The following DOCK1 variants were observed in gnomAD, a reference collection of about 807,000 sequenced individuals.
DOCK1 encodes dedicator of cytokinesis protein 1.
Under a neutral mutation model 262.7 loss-of-function variants are expected in DOCK1, and 138 were observed. The observed-to-expected ratio is 0.53, with a 90% CI of 0.46 to 0.61. DOCK1 has a LOEUF of 0.61. Among genes scored for constraint, DOCK1 ranks in the 20% least tolerant of loss-of-function variants. The pLI is 0.00. For missense variants in DOCK1, 1,908 were observed against 2,370.7 expected (o/e 0.80, Z 4.05); for synonymous variants, 866 against 867.4 (o/e 1.00, Z 0.03).
intron 29 of DOCK1, among the ~76,000 whole-genome samples, chr10:127,272,852 T>C (rs2060617958): frequency 6.6e-6 from 1 of 152,168 alleles, no homozygotes; most frequent in East Asian, 1.9e-4. Flanking sequence ...GCATGGAAAC[T>C]CTTCTTTTTA....
intron 48 of DOCK1, among the ~76,000 whole-genome samples, chr10:127,434,458 A>C (rs2069521864): frequency 6.6e-6 from 1 of 152,120 alleles, no homozygotes; most frequent in African/African-American, 2.4e-5. Flanking sequence ...TTTGTAAGTG[A>C]ACAGTTCGGT....
At chr10:127,156,495 TGAA>T (rs2053059636) in intron 27 of DOCK1, among the ~76,000 whole-genome samples, 1 of 152,052 alleles carries the variant, frequency 6.6e-6, no homozygotes, top group Non-Finnish European at 1.5e-5. Flanking sequence ...ATTGCTTTTC[TGAA>T]TCTTTTCTTC....
intron 23 of DOCK1, among the ~76,000 whole-genome samples, chr10:127,090,598 A>G (rs933182701): frequency 2.6e-5 from 4 of 152,126 alleles, no homozygotes; most frequent in Admixed American, 2.0e-4. Context: ...ACCACTAGGT[A>G]GTTCTAGATC....
intron 22 of DOCK1, among the ~76,000 whole-genome samples, chr10:127,058,033 C>A (rs1329351008): frequency 6.6e-6 from 1 of 151,982 alleles, no homozygotes; most frequent in African/African-American, 2.4e-5. Flanking sequence ...AGTGGTTCTC[C>A]CTGGTTTATC....
chr10:127,276,776 T>G (rs1483488409), intron 29 of DOCK1, among the ~76,000 whole-genome samples: 2 of 137,196 alleles, frequency 1.5e-5, no homozygotes, highest in African/African-American at 5.0e-5. Context: ...TTGGTCTCCA[T>G]GAAGCCATTG....
intron 2 of DOCK1, among the ~76,000 whole-genome samples, chr10:126,974,978 A>G (rs960236849): frequency 2.0e-5 from 3 of 152,084 alleles, no homozygotes; most frequent in African/African-American, 7.2e-5. Flanking sequence ...CTTGCCTTTC[A>G]TGCCTACTGC....
At chr10:127,326,450 C>T (rs924672595) in intron 29 of DOCK1, among the ~76,000 whole-genome samples, 1 of 152,230 alleles carries the variant, frequency 6.6e-6, no homozygotes, top group African/African-American at 2.4e-5. Context: ...TGCTCACAAG[C>T]ATGAGTGGGA....
At chr10:127,171,125 G>T (rs1180143192) in intron 27 of DOCK1, among the ~76,000 whole-genome samples, 1 of 152,188 alleles carries the variant, frequency 6.6e-6, no homozygotes, top group Non-Finnish European at 1.5e-5. Context: ...CAAAATTGAA[G>T]CTCACAGAGG....
At position 127,357,649 on chromosome 10, in the gene DOCK1, C is replaced by A. The variant is rs560814883; in HGVS notation, c.3283+2922C>A. 8.7e-4 allele frequency among the ~76,000 whole-genome samples: 133 copies of A among 152,338 alleles called. 1 individual carries two copies. The highest frequency in any genetic ancestry group is 3.1e-3 in the African/African-American group (130 of 41,576). ...TGTTTTGCAGCTTTTTAGCCAGGAA[C>A]ACTGACTGTGGCCTGAGAAGCGGCC... is the stretch of plus-strand genomic sequence containing the variant. On this transcript the variant is annotated intron_variant, in intron 32 of 51. Coordinates refer to ENST00000623213, the MANE Select transcript of DOCK1 (RefSeq NM_001290223.2).
At chr10:127,173,495 G>T (rs7916891) in intron 27 of DOCK1, among the ~76,000 whole-genome samples, 1 of 152,014 alleles carries the variant, frequency 6.6e-6, no homozygotes, top group African/African-American at 2.4e-5. Flanking sequence ...TCTTGTGTTC[G>T]TGGGTGTTCA....
At chr10:127,340,492 T>C (rs1020671013) in intron 30 of DOCK1, among the ~76,000 whole-genome samples, 2 of 152,212 alleles carry the variant, frequency 1.3e-5, no homozygotes, top group Non-Finnish European at 2.9e-5. Flanking sequence ...TATTCAGCCA[T>C]TTCTGCACTG....
At chr10:127,017,727 C>T (rs2042108546) in intron 12 of DOCK1, among the ~76,000 whole-genome samples, 1 of 152,174 alleles carries the variant, frequency 6.6e-6, no homozygotes, top group Non-Finnish European at 1.5e-5. Flanking sequence ...AGCAGGCAGC[C>T]CCCCCTGAGG....
In DOCK1 at chr10:127,125,606, G is replaced by T. The variant is rs969376128; in HGVS notation, c.2751+5G>T. On this transcript the variant is annotated splice_donor_5th_base_variant and intron_variant, in intron 26 of 51. Coordinates refer to ENST00000623213, the MANE Select transcript of DOCK1 (RefSeq NM_001290223.2). ...GTGCTGTACAGGAAGGACGTGGTGA[G>T]TGTTGGCTCTGTGCGTGACGTCCTG... 6.2e-7 allele frequency: 1 copy of T among 1,611,728 alleles called. No individual in the cohort carries two copies. The highest frequency in any genetic ancestry group is 8.5e-7 in the Non-Finnish European group (1 of 1,179,092).
intron 22 of DOCK1, among the ~76,000 whole-genome samples, chr10:127,057,438 A>G (rs1451222968): frequency 6.6e-6 from 1 of 152,262 alleles, no homozygotes. Context: ...TTTGAAGATG[A>G]AGATATTGAA....
chr10:126,935,977 C>A (rs1255219930), intron 1 of DOCK1, among the ~76,000 whole-genome samples: 1 of 152,210 alleles, frequency 6.6e-6, no homozygotes, highest in African/African-American at 2.4e-5. Context: ...TTCTGGAAAA[C>A]AGTGGCATTT....
At chr10:127,404,468 C>T (rs1244523284) in intron 40 of DOCK1, 39 bp downstream of exon 40, 2 of 1,576,482 alleles carry the variant, frequency 1.3e-6, no homozygotes, top group African/African-American at 1.3e-5. Flanking sequence ...CATGATTGTT[C>T]CCCCAGCAGA....
intron 47 of DOCK1, among the ~76,000 whole-genome samples, chr10:127,430,171 G>C (rs1158928319): frequency 6.6e-6 from 1 of 152,144 alleles, no homozygotes; most frequent in African/African-American, 2.4e-5. Context: ...CCCTGGTGGT[G>C]CTGGGGTTCA....
intron 29 of DOCK1, chr10:127,272,323 CTCTT>C (rs2060597975): frequency 6.6e-6 from 1 of 152,192 alleles, no homozygotes; most frequent in Non-Finnish European, 1.5e-5. Context: ...GCACTGAAGC[CTCTT>C]TCCTCCATGC....
At chr10:127,217,340 G>A (rs1295209958) in intron 27 of DOCK1, among the ~76,000 whole-genome samples, 1 of 152,196 alleles carries the variant, frequency 6.6e-6, no homozygotes, top group African/African-American at 2.4e-5. Flanking sequence ...TTTCATTAGT[G>A]ATATGCTGTA....
Sources: gnomAD v4.1 joint callset for allele counts (sites outside exome capture counted in the v4.1 genomes callset) on GRCh38, gnomAD v4.1.1 for gene constraint, MANE v1.5 for transcripts, NCBI Gene and HGNC (gene_info 2026-07-23, HGNC 2026-07-21) for gene names.